Variants in ALOX5AP observed in about 807,000 individuals in gnomAD.
ALOX5AP encodes arachidonate 5-lipoxygenase-activating protein.
A neutral mutation model predicts 18.5 loss-of-function variants in ALOX5AP; 9 were observed. The observed-to-expected ratio is 0.49, with a 90% CI of 0.29 to 0.85. ALOX5AP has a LOEUF of 0.85. Among genes scored for constraint, ALOX5AP ranks in the 40% least tolerant of loss-of-function variants. The pLI is 0.08. For synonymous variants in ALOX5AP, 81 were observed against 78.6 expected, an observed-to-expected ratio of 1.03 and a Z score of -0.16; for missense variants, 172 against 202.5, an observed-to-expected ratio of 0.85 and a Z score of 0.91.
intron 1 of ALOX5AP, among the ~76,000 whole-genome samples, chr13:30,718,208 C>T (rs1951564910): frequency 6.6e-6 from 1 of 151,730 alleles, no homozygotes; most frequent in African/African-American, 2.4e-5. Context: ...ATCCACTTGC[C>T]TCAGCCTCCC....
At chr13:30,715,200 A>G (rs1018332297) in intron 1 of ALOX5AP, among the ~76,000 whole-genome samples, 15 of 152,192 alleles carry the variant, frequency 9.9e-5, no homozygotes, top group African/African-American at 3.6e-4. Context: ...ACTATGGCCA[A>G]GTTCCTGGGG....
intron 4 of ALOX5AP, among the ~76,000 whole-genome samples, chr13:30,757,568 G>A (rs1951906609): frequency 6.6e-6 from 1 of 152,104 alleles, no homozygotes; most frequent in Non-Finnish European, 1.5e-5. Context: ...GGAATGTCTA[G>A]CAATGAAATA....
chr13:30,717,450 C>T (rs950726503), intron 1 of ALOX5AP, among the ~76,000 whole-genome samples: 1 of 152,210 alleles, frequency 6.6e-6, no homozygotes, highest in Non-Finnish European at 1.5e-5. Flanking sequence ...CCTAAACCCT[C>T]CTTCTCCCAG....
At chr13:30,739,591 C>A (rs781605901) in intron 1 of ALOX5AP, among the ~76,000 whole-genome samples, 7 of 152,180 alleles carry the variant, frequency 4.6e-5, no homozygotes, top group Non-Finnish European at 7.3e-5. Context: ...TGTGCCACCA[C>A]GCCCAGCTAA....
Position 30,752,101 on chromosome 13 carries a change from G to C in ALOX5AP, c.220G>C (p.Ala74Pro). The C allele has an allele frequency of 6.2e-7, 1 of 1,614,140 alleles. No individual in the cohort carries two copies. Among genetic ancestry groups the C allele is most frequent in the South Asian group, 1.1e-5 (1 of 91,086 alleles). Residue 74 changes from alanine (A) to proline (P), a missense_variant, in exon 3 of 5, where the codon GCG becomes CCG. By Grantham distance (27) the Ala-to-Pro change is conservative. Coordinates refer to ENST00000380490, the MANE Select transcript of ALOX5AP (RefSeq NM_001629.4). ...YPTFLAVLWS[A>P]GLLCSQVPAA... ...CACTTTCCTCGCTGTGCTCTGGTCT[G>C]CGGGGCTACTTTGCAGCCAAGGTAA... is the stretch of plus-strand genomic sequence containing the variant.
chr13:30,744,400 A>G (rs1951792144), intron 2 of ALOX5AP: 2 of 435,194 alleles, frequency 4.6e-6, no homozygotes, highest in Non-Finnish European at 8.5e-6. Flanking sequence ...GGGAGGTGTG[A>G]TCTCTGCAGC....
intron 1 of ALOX5AP, among the ~76,000 whole-genome samples, chr13:30,727,710 C>T (rs1249003084): frequency 2.0e-5 from 3 of 152,124 alleles, no homozygotes; most frequent in East Asian, 1.9e-4. Context: ...CTGACTGCTC[C>T]GTGATGAGGG....
At position 30,713,673 on chromosome 13, in the gene ALOX5AP, C is replaced by T; in HGVS notation, c.-53C>T. On this transcript the variant is annotated 5_prime_UTR_variant, in exon 1 of 6. Transcript: ENST00000617770. ...ACATCTGGACAATTCTGCAAGAACTCTGTAGAACTGACTTCACTGTGAACC... is the reference window on the plus strand; with the variant it reads ...ACATCTGGACAATTCTGCAAGAACTTTGTAGAACTGACTTCACTGTGAACC... The T allele has an allele frequency of 6.3e-6, 8 of 1,276,442 alleles. No individual in the cohort carries two copies. The South Asian group carries it at 1.0e-4, about 16-fold the overall frequency. 79.1% of individuals were successfully genotyped at this position (1,276,442 alleles called of 1,614,324 possible). A position where few individuals can be genotyped will look rare whatever the true frequency, so the allele number is the denominator to read the frequency against.
intron 2 of ALOX5AP, among the ~76,000 whole-genome samples, chr13:30,748,992 C>G (rs973987380): frequency 6.6e-6 from 1 of 152,208 alleles, no homozygotes; most frequent in Non-Finnish European, 1.5e-5. Context: ...AAGCTTGCAG[C>G]TTTGGGTAGA....
At chr13:30,724,074 G>A (rs892692823) in intron 1 of ALOX5AP, among the ~76,000 whole-genome samples, 5 of 152,080 alleles carry the variant, frequency 3.3e-5, no homozygotes, top group Admixed American at 2.0e-4. Context: ...AAAAGTTCCC[G>A]TGTCCCTCTC....
intron 1 of ALOX5AP, among the ~76,000 whole-genome samples, chr13:30,720,317 G>C (rs1046337775): frequency 6.6e-6 from 1 of 152,106 alleles, no homozygotes; most frequent in Non-Finnish European, 1.5e-5. Flanking sequence ...AGCTTCATAC[G>C]CAATGTAAAT....
chr13:30,762,111 G>C (rs1951946903), intron 4 of ALOX5AP, among the ~76,000 whole-genome samples: 1 of 152,160 alleles, frequency 6.6e-6, no homozygotes, highest in South Asian at 2.1e-4. Flanking sequence ...GATGTGAGTG[G>C]GTCCCACAGG....
At chr13:30,738,876 G>C (rs974264600) in intron 1 of ALOX5AP, among the ~76,000 whole-genome samples, 4 of 152,242 alleles carry the variant, frequency 2.6e-5, no homozygotes, top group Admixed American at 2.6e-4. Context: ...CAATCATAAG[G>C]GTTTGTGAGC....
At chr13:30,760,486 G>C (rs1338241582) in intron 4 of ALOX5AP, among the ~76,000 whole-genome samples, 1 of 152,234 alleles carries the variant, frequency 6.6e-6, no homozygotes, top group African/African-American at 2.4e-5. Flanking sequence ...TTTGAGATGG[G>C]AATTATTTAG....
intron 4 of ALOX5AP, 120 bp downstream of exon 4, chr13:30,756,145 A>AG (rs1489616312): frequency 7.6e-6 from 7 of 925,632 alleles, no homozygotes; most frequent in Non-Finnish European, 1.2e-5. Flanking sequence ...CTTGGGTGGG[A>AG]GGGGGAAGGC....
upstream of ALOX5AP, among the ~76,000 whole-genome samples, chr13:30,734,589 C>T (rs999259438): frequency 6.6e-6 from 1 of 152,220 alleles, no homozygotes; most frequent in African/African-American, 2.4e-5. Flanking sequence ...ACCCACCCAG[C>T]AGGTCCACTC....
intron 2 of ALOX5AP, among the ~76,000 whole-genome samples, chr13:30,751,637 T>C (rs557386419): frequency 6.6e-6 from 1 of 152,358 alleles, no homozygotes; most frequent in East Asian, 1.9e-4. Context: ...TGGGCTGATT[T>C]GTGGATCTGA....
At chr13:30,740,886 G>A (rs1951757399) in intron 1 of ALOX5AP, among the ~76,000 whole-genome samples, 1 of 152,124 alleles carries the variant, frequency 6.6e-6, no homozygotes, top group Non-Finnish European at 1.5e-5. Context: ...TCGGTTCTCT[G>A]AGCAAGGAGG....
chr13:30,747,088 C>T (rs1349769431), intron 2 of ALOX5AP, among the ~76,000 whole-genome samples: 3 of 152,258 alleles, frequency 2.0e-5, no homozygotes, highest in Non-Finnish European at 2.9e-5. Context: ...GTCCCTCCAC[C>T]CATCTCCCAT....
Sources: allele counts gnomAD v4.1 joint callset (sites outside exome capture counted in the v4.1 genomes callset), GRCh38; gene constraint gnomAD v4.1.1; transcripts MANE v1.5; gene names NCBI Gene and HGNC (gene_info 2026-07-23, HGNC 2026-07-21).